MYH11: variants seen among roughly 807,000 people sequenced by gnomAD.
MYH11 encodes the protein myosin-11.
In MYH11, 80 loss-of-function variants were observed where a neutral mutation model predicts 246.6. That is an observed-to-expected ratio of 0.32 (90% CI 0.27 to 0.39). MYH11 has a LOEUF of 0.39. MYH11 is among the 10% of genes least tolerant of loss of function. MYH11 has a pLI of 1.00. For missense variants in MYH11, 2,158 were observed against 2,546.8 expected (o/e 0.85, Z 3.29); for synonymous variants, 1,071 against 1,015.5 (o/e 1.05, Z -1.04).
Position 15,756,292 on chromosome 16 carries a change from C to A in MYH11, c.1749+49G>T, listed in dbSNP as rs373343423. On this transcript the variant is annotated intron_variant, in intron 14 of 40. Coordinates refer to ENST00000300036, the MANE Select transcript of MYH11 (RefSeq NM_002474.3). ...CTCAGACTGTCTCTGCGCTGAGCAGCCACTGGGGGTCCCCTGAGACAGAGT... is the reference window on the plus strand; with the variant it reads ...CTCAGACTGTCTCTGCGCTGAGCAGACACTGGGGGTCCCCTGAGACAGAGT... The A allele has an allele frequency of 4.9e-5, 78 of 1,600,998 alleles. No individual in the cohort carries two copies. The African/African-American group carries it at 9.9e-4, about 20-fold the overall frequency.
intron 40 of MYH11, chr16:15,708,933 C>A: frequency 7.7e-7 from 1 of 1,296,316 alleles, no homozygotes; most frequent in East Asian, 2.4e-5. Context: ...ACATTTGCTT[C>A]GATTTAATAA....
At chr16:15,746,961 G>A (rs1371647815) in intron 19 of MYH11, among the ~76,000 whole-genome samples, 3 of 152,034 alleles carry the variant, frequency 2.0e-5, no homozygotes, top group Admixed American at 6.6e-5. Flanking sequence ...GGTGGTGGGC[G>A]CCTCTAATTC....
At chr16:15,819,792 C>T (rs1158284336) in intron 3 of MYH11, among the ~76,000 whole-genome samples, 4 of 152,164 alleles carry the variant, frequency 2.6e-5, no homozygotes, top group South Asian at 4.1e-4. Flanking sequence ...TTCTATGAAA[C>T]TGGTCCCTGG....
chr16:15,716,135 C>T (rs1259017967), intron 38 of MYH11, among the ~76,000 whole-genome samples: 1 of 152,002 alleles, frequency 6.6e-6, no homozygotes, highest in Non-Finnish European at 1.5e-5. Context: ...TGCTATGCTG[C>T]CCAGACTGGT....
At position 15,757,845 on chromosome 16, in the gene MYH11, G is replaced by A. The variant is rs959105164; in HGVS notation, c.1557C>T (p.Ile519=). Residue 519 remains isoleucine, a synonymous_variant, in exon 13 of 41, where the codon ATC becomes ATT. Transcript: ENST00000300036. ...IDFGLDLQPC[I]ELIERPNNPP... ...CCCTCACCGGTCGCTCGATGAGCTC[G>A]ATGCAGGGCTGTAGGTCCAGCCCAA... 11 of 1,614,072 alleles carry A rather than the reference G, an allele frequency of 6.8e-6. No homozygotes were observed. Among genetic ancestry groups the A allele is most frequent in the Middle Eastern group, 1.6e-4 (1 of 6,084 alleles).
At chr16:15,737,404 G>A (rs771661041) in intron 25 of MYH11, 45 bp downstream of exon 25, 4 of 1,604,310 alleles carry the variant, frequency 2.5e-6, no homozygotes, top group East Asian at 2.2e-5. Flanking sequence ...AGGGGCCCAG[G>A]GGATACATGG....
At chr16:15,806,557 CAT>C (rs1035938918) in intron 3 of MYH11, among the ~76,000 whole-genome samples, 1 of 152,106 alleles carries the variant, frequency 6.6e-6, no homozygotes, top group African/African-American at 2.4e-5. Flanking sequence ...GTTATGCAGA[CAT>C]AGCTGCAATT....
At chr16:15,767,520 C>T (rs1477341837) in intron 9 of MYH11, among the ~76,000 whole-genome samples, 1 of 152,018 alleles carries the variant, frequency 6.6e-6, no homozygotes, top group Non-Finnish European at 1.5e-5. Flanking sequence ...CGGGGTCTCA[C>T]TATATTGCCC....
chr16:15,725,327 AAGC>A, intron 28 of MYH11: 1 of 561,284 alleles, frequency 1.8e-6, no homozygotes, highest in Non-Finnish European at 3.1e-6. Context: ...GGTAGAGACA[AAGC>A]AGCAGGTCTG....
chr16:15,754,940 T>C (rs1288062989), intron 14 of MYH11, among the ~76,000 whole-genome samples: 3 of 152,214 alleles, frequency 2.0e-5, no homozygotes, highest in African/African-American at 4.8e-5. Flanking sequence ...CCTGCCTTGG[T>C]GCTGGGGTTA....
At chr16:15,832,074 C>G (rs1409795566) in intron 2 of MYH11, among the ~76,000 whole-genome samples, 1 of 152,102 alleles carries the variant, frequency 6.6e-6, no homozygotes, top group African/African-American at 2.4e-5. Context: ...TCTGCTTGTT[C>G]CTTGTGTCCC....
chr16:15,785,008 A>T (rs954652932), intron 5 of MYH11: 175 of 97,848 alleles, frequency 1.8e-3, no homozygotes, highest in East Asian at 3.0e-3. Context: ...AATTCTCTTG[A>T]TTTTTTTTTT....
intron 1 of MYH11, among the ~76,000 whole-genome samples, chr16:15,843,498 G>A (rs1338215816): frequency 1.3e-5 from 2 of 150,812 alleles, no homozygotes; most frequent in African/African-American, 4.9e-5. Context: ...AGACCATCCT[G>A]GCTAACACGG....
intron 27 of MYH11, 157 bp downstream of exon 27, chr16:15,732,407 G>A: frequency 8.6e-7 from 1 of 1,169,330 alleles, no homozygotes; most frequent in Non-Finnish European, 1.2e-6. Flanking sequence ...GCCTGTATGG[G>A]AAGCATTTTG....
At chr16:15,854,982 A>G (rs1340001677) in intron 1 of MYH11, among the ~76,000 whole-genome samples, 1 of 152,048 alleles carries the variant, frequency 6.6e-6, no homozygotes, top group Non-Finnish European at 1.5e-5. Context: ...GCCAGGACCA[A>G]CCGGGCTGCG....
chr16:15,847,576 C>T (rs1213251451), intron 1 of MYH11, among the ~76,000 whole-genome samples: 1 of 152,118 alleles, frequency 6.6e-6, no homozygotes, highest in East Asian at 1.9e-4. Flanking sequence ...TTCCTAATTG[C>T]CATGTGGATG....
At chr16:15,845,449 C>T (rs1384385985) in intron 1 of MYH11, among the ~76,000 whole-genome samples, 1 of 152,046 alleles carries the variant, frequency 6.6e-6, no homozygotes, top group Non-Finnish European at 1.5e-5. Flanking sequence ...GTTTCTATAC[C>T]CTTTCTCACT....
At chr16:15,733,327 G>A (rs376204609) in intron 26 of MYH11, among the ~76,000 whole-genome samples, 3 of 152,222 alleles carry the variant, frequency 2.0e-5, no homozygotes, top group African/African-American at 4.8e-5. Flanking sequence ...TCCACCTCCC[G>A]GGTTCAAGCG....
chr16:15,728,455 G>A (rs750262731), intron 27 of MYH11, among the ~76,000 whole-genome samples: 1 of 152,152 alleles, frequency 6.6e-6, no homozygotes, highest in Non-Finnish European at 1.5e-5. Context: ...TCTAAGTAGC[G>A]GCTGGCTCTG....
Sources: allele counts gnomAD v4.1 joint callset (sites outside exome capture counted in the v4.1 genomes callset), GRCh38; gene constraint gnomAD v4.1.1; transcripts MANE v1.5; gene names NCBI Gene and HGNC (gene_info 2026-07-23, HGNC 2026-07-21).